Variants in GALNT17 observed in about 807,000 individuals in gnomAD.
GALNT17 encodes polypeptide N-acetylgalactosaminyltransferase 17, also known as UDP-GalNAc:polypeptide N-acetylgalactosaminyltransferase-like 3.
In GALNT17, 29 loss-of-function variants were observed where a neutral mutation model predicts 63.7. The observed-to-expected ratio is 0.46, with a 90% CI of 0.34 to 0.62. The LOEUF is 0.62. GALNT17 is among the 20% of genes least tolerant of loss of function. The pLI is 0.01. For missense variants in GALNT17, 603 were observed against 799.6 expected, an observed-to-expected ratio of 0.75 and a Z score of 2.97; for synonymous variants, 305 against 318.3, an observed-to-expected ratio of 0.96 and a Z score of 0.45.
At chr7:71,336,441 C>A (rs1476829067) in intron 2 of GALNT17, among the ~76,000 whole-genome samples, 1 of 152,118 alleles carries the variant, frequency 6.6e-6, no homozygotes, top group Non-Finnish European at 1.5e-5. Context: ...GCGTACAGAT[C>A]ATTTCATCTC....
intron 8 of GALNT17, among the ~76,000 whole-genome samples, chr7:71,673,078 GA>G (rs1252507942): frequency 1.3e-5 from 2 of 151,900 alleles, no homozygotes; most frequent in South Asian, 2.1e-4. Context: ...TTAGTAATAT[GA>G]AAAAAATCAT....
chr7:71,293,965 C>T (rs1791030497), intron 1 of GALNT17, among the ~76,000 whole-genome samples: 1 of 152,104 alleles, frequency 6.6e-6, no homozygotes. Context: ...GGAGACCATC[C>T]TGGCTAACAC....
chr7:71,152,080 C>A (rs1291502108), intron 1 of GALNT17, among the ~76,000 whole-genome samples: 1 of 152,120 alleles, frequency 6.6e-6, no homozygotes, highest in East Asian at 1.9e-4. Flanking sequence ...CCGTGTCGTT[C>A]TAAAATCCAC....
intron 1 of GALNT17, among the ~76,000 whole-genome samples, chr7:71,205,125 A>G (rs1321826032): frequency 7.7e-6 from 1 of 129,034 alleles, no homozygotes; most frequent in South Asian, 2.6e-4. Flanking sequence ...TAAGAATTTT[A>G]TTTTATTTTT....
intron 5 of GALNT17, 44 bp from the exon 6 acceptor site, chr7:71,571,241 G>A: frequency 1.9e-6 from 3 of 1,563,056 alleles, no homozygotes; most frequent in Non-Finnish European, 2.6e-6. Flanking sequence ...AGGGCTTCTG[G>A]CACTGACACC....
chr7:71,222,226 A>G (rs1789599643), intron 1 of GALNT17, among the ~76,000 whole-genome samples: 1 of 151,668 alleles, frequency 6.6e-6, no homozygotes, highest in East Asian at 1.9e-4. Flanking sequence ...ATTTTACCAG[A>G]TTTCCCAGTA....
At chr7:71,637,082 A>G (rs1790537248) in intron 6 of GALNT17, among the ~76,000 whole-genome samples, 1 of 152,204 alleles carries the variant, frequency 6.6e-6, no homozygotes, top group Admixed American at 6.5e-5. Context: ...ATAACTCATC[A>G]TGTTATTACG....
At chr7:71,653,839 C>T (rs1296823298) in intron 6 of GALNT17, among the ~76,000 whole-genome samples, 1 of 152,124 alleles carries the variant, frequency 6.6e-6, no homozygotes, top group African/African-American at 2.4e-5. Context: ...TTAGTGCTCC[C>T]TCATGGACAT....
At chr7:71,644,702 G>A (rs539534218) in intron 6 of GALNT17, among the ~76,000 whole-genome samples, 1 of 152,144 alleles carries the variant, frequency 6.6e-6, no homozygotes, top group South Asian at 2.1e-4. Flanking sequence ...AGTGAGCTAG[G>A]ATTGTGCCAC....
At chr7:71,412,835 G>A (rs924126664) in intron 3 of GALNT17, among the ~76,000 whole-genome samples, 1 of 152,178 alleles carries the variant, frequency 6.6e-6, no homozygotes, top group African/African-American at 2.4e-5. Context: ...TTGAGGCCAA[G>A]AGTTCGAGAC....
At chr7:71,324,974 C>T (rs1229529378) in intron 1 of GALNT17, among the ~76,000 whole-genome samples, 1 of 152,112 alleles carries the variant, frequency 6.6e-6, no homozygotes, top group Non-Finnish European at 1.5e-5. Flanking sequence ...TCTTGTGTTC[C>T]ATTGATCTTG....
chr7:71,358,344 G>T (rs1014989071), intron 2 of GALNT17, among the ~76,000 whole-genome samples: 1 of 152,338 alleles, frequency 6.6e-6, no homozygotes, highest in African/African-American at 2.4e-5. Flanking sequence ...GTAGTGAGTC[G>T]AGATTGCGCC....
intron 1 of GALNT17, among the ~76,000 whole-genome samples, chr7:71,226,347 A>G (rs117870484): frequency 0.018 from 2,741 of 152,298 alleles, 113 homozygotes; most frequent in Admixed American, 0.093. Flanking sequence ...GGGTGGAGAC[A>G]GGGCTTCTGT....
intron 2 of GALNT17, among the ~76,000 whole-genome samples, chr7:71,340,505 A>G (rs1472478451): frequency 6.6e-6 from 1 of 152,186 alleles, no homozygotes; most frequent in Non-Finnish European, 1.5e-5. Context: ...AACTATTAGT[A>G]TGGCATGCGA....
intron 1 of GALNT17, among the ~76,000 whole-genome samples, chr7:71,275,582 C>T (rs1490275992): frequency 6.6e-6 from 1 of 152,304 alleles, no homozygotes; most frequent in South Asian, 2.1e-4. Flanking sequence ...TTTGTGAACA[C>T]AGCTCAGCGC....
At chr7:71,149,915 GA>G (rs1788099512) in intron 1 of GALNT17, among the ~76,000 whole-genome samples, 2 of 152,118 alleles carry the variant, frequency 1.3e-5, no homozygotes, top group South Asian at 4.1e-4. Flanking sequence ...AGTCATTTTT[GA>G]ATGGATGCTA....
chr7:71,586,774 G>A (rs1297688907), intron 6 of GALNT17, among the ~76,000 whole-genome samples: 1 of 151,742 alleles, frequency 6.6e-6, no homozygotes, highest in Non-Finnish European at 1.5e-5. Flanking sequence ...GGGGGTACAT[G>A]TGATAATTTA....
chr7:71,404,296 A>G (rs1317991634), intron 3 of GALNT17, among the ~76,000 whole-genome samples: 1 of 152,150 alleles, frequency 6.6e-6, no homozygotes, highest in Non-Finnish European at 1.5e-5. Context: ...TTGGTTTAAC[A>G]CTTTGGTATT....
chr7:71,683,110 G>C (rs895398977), intron 9 of GALNT17, among the ~76,000 whole-genome samples: 2 of 152,130 alleles, frequency 1.3e-5, no homozygotes, highest in Admixed American at 6.6e-5. Context: ...GATTTAGAAC[G>C]GCAAACCGGA....
Sources: gnomAD v4.1 joint callset for allele counts (sites outside exome capture counted in the v4.1 genomes callset) on GRCh38, gnomAD v4.1.1 for gene constraint, MANE v1.5 for transcripts, NCBI Gene and HGNC (gene_info 2026-07-23, HGNC 2026-07-21) for gene names.